Variants in KIAA1549L observed in about 807,000 individuals in gnomAD.
The protein encoded by KIAA1549L is UPF0606 protein KIAA1549L.
A neutral mutation model predicts 160.7 loss-of-function variants in KIAA1549L; 88 were observed. The observed-to-expected ratio is 0.55, with a 90% CI of 0.46 to 0.65. The LOEUF is 0.65. Among genes scored for constraint, KIAA1549L ranks in the 30% least tolerant of loss-of-function variants. The pLI, the probability that KIAA1549L is intolerant of heterozygous loss-of-function variation, is 0.00. For missense variants in KIAA1549L, 2,258 were observed against 2,437.5 expected (o/e 0.93, Z 1.55); for synonymous variants, 950 against 976.7 (o/e 0.97, Z 0.51).
chr11:33,608,066 C>G (rs538991123), intron 14 of KIAA1549L, among the ~76,000 whole-genome samples: 13 of 152,294 alleles, frequency 8.5e-5, no homozygotes, highest in African/African-American at 3.1e-4. Flanking sequence ...CTTTTACTTA[C>G]TACAGCCTAC....
At chr11:33,667,451 G>C (rs572154019) in intron 20 of KIAA1549L, among the ~76,000 whole-genome samples, 92 of 151,772 alleles carry the variant, frequency 6.1e-4, no homozygotes, top group African/African-American at 2.0e-3. Flanking sequence ...GGAGTGCAGT[G>C]GTACAATCTC....
chr11:33,617,916 C>T (rs188556501), intron 15 of KIAA1549L, among the ~76,000 whole-genome samples: 7 of 147,018 alleles, frequency 4.8e-5, no homozygotes, highest in Non-Finnish European at 7.5e-5. Flanking sequence ...GACGGATGGA[C>T]GGATGGATGG....
chr11:33,469,470 G>C (rs2133021835), intron 1 of KIAA1549L, among the ~76,000 whole-genome samples: 1 of 152,280 alleles, frequency 6.6e-6, no homozygotes, highest in Non-Finnish European at 1.5e-5. Context: ...TGTGAATAAT[G>C]CTGTGATGAA....
Position 33,543,621 on chromosome 11 carries a change from C to T in KIAA1549L, c.2058C>T (p.Asp686=), listed in dbSNP as rs750352146. Residue 686 remains aspartate, a synonymous_variant, in exon 2 of 21, where the codon GAC becomes GAT. Coordinates refer to ENST00000658780, the MANE Select transcript of KIAA1549L (RefSeq NM_012194.3). ...MDVYDSLTIG[D]MKKPATTDVF... The stretch of plus-strand genomic sequence containing the variant: ...TATATGATTCCTTAACAATAGGAGA[C>T]ATGAAAAAGCCAGCAACCACAGATG... The T allele has an allele frequency of 6.2e-7, 1 of 1,613,926 alleles. No individual in the cohort carries two copies. The highest frequency in any genetic ancestry group is 1.1e-5 in the South Asian group (1 of 91,084).
At chr11:33,381,190 G>A (rs1215547709) in intron 1 of KIAA1549L, among the ~76,000 whole-genome samples, 2 of 152,080 alleles carry the variant, frequency 1.3e-5, no homozygotes, top group East Asian at 1.9e-4. Context: ...GAGTAATACT[G>A]ACGATGCAAG....
intron 9 of KIAA1549L, among the ~76,000 whole-genome samples, chr11:33,571,778 G>C (rs1456468415): frequency 2.0e-5 from 3 of 152,082 alleles, no homozygotes; most frequent in East Asian, 3.9e-4. Context: ...GATTTGGAGA[G>C]GACATGTATT....
At chr11:33,566,561 T>A (rs1855055109) in intron 8 of KIAA1549L, among the ~76,000 whole-genome samples, 2 of 152,230 alleles carry the variant, frequency 1.3e-5, no homozygotes, top group South Asian at 4.1e-4. Flanking sequence ...GAAAGAGAGC[T>A]GCTTTTATAC....
At chr11:33,530,437 ATATATATATATATATATATATATATAT>A (rs1252778528) in intron 1 of KIAA1549L, among the ~76,000 whole-genome samples, 9 of 3,184 alleles carry the variant, frequency 2.8e-3, no homozygotes, top group African/African-American at 7.1e-3. Context: ...AAAAAAAAAA[ATATATATATATATATATATATATATAT>A]ATATATATAT....
chr11:33,395,582 T>G (rs894547498), intron 1 of KIAA1549L, among the ~76,000 whole-genome samples: 3 of 152,154 alleles, frequency 2.0e-5, no homozygotes, highest in African/African-American at 4.8e-5. Flanking sequence ...TTTTATTTCC[T>G]TAGGTTTTTG....
intron 12 of KIAA1549L, among the ~76,000 whole-genome samples, chr11:33,596,209 G>A (rs573641311): frequency 3.9e-5 from 6 of 152,212 alleles, no homozygotes; most frequent in Admixed American, 1.3e-4. Flanking sequence ...TTTTGTTACT[G>A]TCATGTGAGT....
rs905297276 is a variant in KIAA1549L, at chr11:33,444,119, G to A, written c.238+67230G>A. ...ATGATCTCAGAAAACAAAAAGAAGG[G>A]AAAATAAATGGGATCAGTTTTTCTT... On this transcript the variant is annotated intron_variant, in intron 1 of 20. Transcript: ENST00000658780. 5.3e-5 allele frequency among the ~76,000 whole-genome samples: 8 copies of A among 152,266 alleles called. No homozygotes were observed. In the East Asian group the frequency reaches 1.5e-3, roughly 29 times the overall value.
intron 12 of KIAA1549L, 31 bp downstream of exon 12, chr11:33,591,452 T>C: frequency 6.5e-7 from 1 of 1,537,418 alleles, no homozygotes; most frequent in Non-Finnish European, 8.8e-7. Context: ...TGCCTCTCTG[T>C]GTCAGCAAGA....
At chr11:33,515,104 G>A (rs769597620) in intron 1 of KIAA1549L, among the ~76,000 whole-genome samples, 9 of 152,244 alleles carry the variant, frequency 5.9e-5, no homozygotes, top group Non-Finnish European at 1.2e-4. Context: ...ACTTCACCAG[G>A]GGGTCGTATT....
intron 10 of KIAA1549L, among the ~76,000 whole-genome samples, chr11:33,575,192 G>T (rs538103561): frequency 3.9e-5 from 6 of 152,328 alleles, no homozygotes; most frequent in Admixed American, 3.9e-4. Context: ...AAGATAATCT[G>T]ATTCAACAAA....
intron 16 of KIAA1549L, among the ~76,000 whole-genome samples, chr11:33,644,584 A>G (rs1220442204): frequency 1.3e-5 from 2 of 152,256 alleles, no homozygotes; most frequent in African/African-American, 4.8e-5. Context: ...ATGTACCTTT[A>G]TTTAATCCTT....
At chr11:33,469,645 A>G (rs781712927) in intron 1 of KIAA1549L, among the ~76,000 whole-genome samples, 1 of 152,208 alleles carries the variant, frequency 6.6e-6, no homozygotes, top group Non-Finnish European at 1.5e-5. Context: ...CCGGCAATGT[A>G]TGAGGATTCT....
intron 1 of KIAA1549L, among the ~76,000 whole-genome samples, chr11:33,422,858 C>T (rs1851046382): frequency 6.6e-6 from 1 of 152,084 alleles, no homozygotes. Context: ...GCGTATCACA[C>T]AAAATGGCAC....
chr11:33,484,361 C>G (rs912215368), intron 1 of KIAA1549L, among the ~76,000 whole-genome samples: 1 of 152,190 alleles, frequency 6.6e-6, no homozygotes, highest in African/African-American at 2.4e-5. Context: ...CCTGATTCCC[C>G]TTGTCATGTG....
intron 15 of KIAA1549L, among the ~76,000 whole-genome samples, chr11:33,610,502 T>C (rs1251455145): frequency 1.3e-5 from 2 of 152,260 alleles, no homozygotes; most frequent in African/African-American, 4.8e-5. Flanking sequence ...TGCTGAATGC[T>C]GTCATGCTCA....
Sources: gnomAD v4.1 joint callset for allele counts (sites outside exome capture counted in the v4.1 genomes callset) on GRCh38, gnomAD v4.1.1 for gene constraint, MANE v1.5 for transcripts, NCBI Gene and HGNC (gene_info 2026-07-23, HGNC 2026-07-21) for gene names.